Variants in ARMH4 observed in about 807,000 individuals in gnomAD.
The protein encoded by ARMH4 is armadillo like helical domain containing 4.
ARMH4 carries 49 observed loss-of-function variants against 61.9 expected under a neutral mutation model. The ratio of observed to expected loss-of-function variants is 0.79; its 90% CI spans 0.63 to 1.00. ARMH4 has a LOEUF of 1.00. Among genes scored for constraint, ARMH4 ranks in the 50% least tolerant of loss-of-function variants. The pLI is 0.00. For missense variants in ARMH4, 934 were observed against 930.0 expected, an observed-to-expected ratio of 1.00 and a Z score of -0.06; for synonymous variants, 368 against 341.5, an observed-to-expected ratio of 1.08 and a Z score of -0.85.
intron 4 of ARMH4, among the ~76,000 whole-genome samples, chr14:58,104,029 G>A (rs1886086683): frequency 6.6e-6 from 1 of 152,124 alleles, no homozygotes; most frequent in Non-Finnish European, 1.5e-5. Context: ...AGGGTTGCAG[G>A]TAAGCAAGCC....
chr14:58,094,329 C>CAAAAAAAAAAAAAAAAAAAAAAAA (rs759288462), intron 5 of ARMH4, among the ~76,000 whole-genome samples: 1 of 117,650 alleles, frequency 8.5e-6, no homozygotes, highest in African/African-American at 3.4e-5. Context: ...GACGCTTTCT[C>CAAAAAAAAAAAAAAAAAAAAAAAA]AAAAAAAAAA....
At chr14:58,107,765 A>G (rs1425200626) in intron 4 of ARMH4, among the ~76,000 whole-genome samples, 1 of 28,144 alleles carries the variant, frequency 3.6e-5, no homozygotes, top group East Asian at 1.6e-3. Flanking sequence ...CTCCATCTCA[A>G]AAAAAAAAAA....
intron 4 of ARMH4, among the ~76,000 whole-genome samples, chr14:58,104,866 G>A (rs1460585815): frequency 6.6e-6 from 1 of 152,170 alleles, no homozygotes; most frequent in Non-Finnish European, 1.5e-5. Context: ...CAATGAGATA[G>A]ATGCGGTTTT....
chr14:58,125,851 G>A (rs758035170), intron 4 of ARMH4, among the ~76,000 whole-genome samples: 87 of 152,154 alleles, frequency 5.7e-4, no homozygotes, highest in Non-Finnish European at 1.1e-3. Flanking sequence ...TTCCTAGGCC[G>A]ATTAAGAATC....
chr14:58,140,792 C>T (rs1295605885), intron 1 of ARMH4, among the ~76,000 whole-genome samples: 1 of 151,502 alleles, frequency 6.6e-6, no homozygotes, highest in Non-Finnish European at 1.5e-5. Flanking sequence ...AATCCCAGCT[C>T]CTTGGGAGGC....
At chr14:58,053,779 G>A (rs1054666342) in intron 5 of ARMH4, among the ~76,000 whole-genome samples, 7 of 152,128 alleles carry the variant, frequency 4.6e-5, no homozygotes, top group African/African-American at 4.8e-5. Flanking sequence ...AAGGATCCTC[G>A]CCTCGCCTCC....
intron 5 of ARMH4, among the ~76,000 whole-genome samples, chr14:58,032,181 A>G (rs568971957): frequency 3.9e-5 from 6 of 152,284 alleles, no homozygotes; most frequent in Non-Finnish European, 7.3e-5. Context: ...GAGAACCCAG[A>G]TGAGACTTAT....
intron 4 of ARMH4, 28 bp from the exon 5 acceptor site, chr14:58,097,009 A>G (rs1885778246): frequency 1.2e-6 from 2 of 1,603,368 alleles, no homozygotes; most frequent in East Asian, 4.5e-5. Flanking sequence ...AAAGGGAAGC[A>G]TAAACATATA....
intron 5 of ARMH4, among the ~76,000 whole-genome samples, chr14:58,045,451 G>A (rs934677722): frequency 1.4e-4 from 22 of 152,058 alleles, no homozygotes; most frequent in Non-Finnish European, 2.2e-4. Context: ...ATCACACACC[G>A]GGCCCTGTTG....
At position 58,003,443 on chromosome 14, in the gene ARMH4, T is replaced by A. The variant is rs1486037553; in HGVS notation, c.*1293A>T. 2 of 152,218 alleles carry A rather than the reference T, an allele frequency of 1.3e-5. No individual in the cohort carries two copies. Among genetic ancestry groups the A allele is most frequent in the African/African-American group, 2.4e-5 (1 of 41,460 alleles). 9.4% of individuals were successfully genotyped at this position (152,218 alleles called of 1,614,324 possible). Reference sequence around the variant, plus strand: ...ACTTTTCTTGAACATAGTAGACAACTTCTAATAAACACCAACAAGTACTCC... The same window carrying A: ...ACTTTTCTTGAACATAGTAGACAACATCTAATAAACACCAACAAGTACTCC... On this transcript the variant is annotated 3_prime_UTR_variant, in exon 8 of 8. Coordinates refer to ENST00000267485, the MANE Select transcript of ARMH4 (RefSeq NM_001001872.4).
intron 6 of ARMH4, among the ~76,000 whole-genome samples, chr14:58,008,034 G>A (rs554137929): frequency 3.4e-4 from 52 of 152,138 alleles, no homozygotes; most frequent in African/African-American, 1.3e-3. Flanking sequence ...TGTGAGAGAG[G>A]AGAAAAAATG....
rs549283294 is a variant in ARMH4 at position 58,026,049 on chromosome 14, C to A, written c.2090-13899G>T. On this transcript the variant is annotated intron_variant, in intron 5 of 7. Coordinates refer to ENST00000267485, the MANE Select transcript of ARMH4 (RefSeq NM_001001872.4). ...ATACTAGATACCTAGTGGGAAGATG[C>A]AAAGAGAACGTCCTGCAATCAACTG... Among the ~76,000 whole-genome samples the A allele has an allele frequency of 3.3e-5, 5 of 151,742 alleles. 1 individual carries two copies. Among genetic ancestry groups the A allele is most frequent in the Admixed American group, 2.6e-4 (4 of 15,186 alleles).
At chr14:58,124,811 G>A (rs918294614) in intron 4 of ARMH4, among the ~76,000 whole-genome samples, 1 of 152,180 alleles carries the variant, frequency 6.6e-6, no homozygotes, top group Non-Finnish European at 1.5e-5. Context: ...AGTGGTCAGT[G>A]ATAATGGAAT....
At chr14:58,109,354 C>T (rs1320944366) in intron 4 of ARMH4, among the ~76,000 whole-genome samples, 2 of 152,068 alleles carry the variant, frequency 1.3e-5, no homozygotes, top group Non-Finnish European at 2.9e-5. Flanking sequence ...TATGGACAAC[C>T]AATTGTCCCA....
At chr14:58,124,249 C>T (rs1447241509) in intron 4 of ARMH4, among the ~76,000 whole-genome samples, 2 of 152,108 alleles carry the variant, frequency 1.3e-5, no homozygotes, top group East Asian at 3.9e-4. Flanking sequence ...TAACCCAAGC[C>T]CCAGTGTTAA....
intron 5 of ARMH4, among the ~76,000 whole-genome samples, chr14:58,031,323 C>G (rs773035911): frequency 2.0e-5 from 3 of 152,134 alleles, no homozygotes; most frequent in Non-Finnish European, 4.4e-5. Flanking sequence ...TAGCCATCAA[C>G]CAAAATGGAT....
chr14:58,005,827 G>A (rs762371845), intron 6 of ARMH4, among the ~76,000 whole-genome samples: 6 of 152,314 alleles, frequency 3.9e-5, no homozygotes, highest in Middle Eastern at 3.4e-3. Flanking sequence ...CAAGGGGAGA[G>A]TGTGCACACA....
chr14:58,137,768 T>C (rs1887354336), intron 2 of ARMH4, among the ~76,000 whole-genome samples: 1 of 152,098 alleles, frequency 6.6e-6, no homozygotes, highest in East Asian at 1.9e-4. Flanking sequence ...TTATTCTTTT[T>C]CAGAGAAGAG....
At chr14:58,051,555 C>T (rs1258442570) in intron 5 of ARMH4, among the ~76,000 whole-genome samples, 1 of 152,174 alleles carries the variant, frequency 6.6e-6, no homozygotes, top group African/African-American at 2.4e-5. Flanking sequence ...ACTTGAATAA[C>T]CAATACATTC....
Sources: allele counts gnomAD v4.1 joint callset (sites outside exome capture counted in the v4.1 genomes callset), GRCh38; gene constraint gnomAD v4.1.1; transcripts MANE v1.5; gene names NCBI Gene and HGNC (gene_info 2026-07-23, HGNC 2026-07-21).